The following OSBPL10 variants were observed in gnomAD, a reference collection of about 807,000 sequenced individuals.
OSBPL10 encodes oxysterol-binding protein-related protein 10.
In OSBPL10, 49 loss-of-function variants were observed where a neutral mutation model predicts 81.7. That is an observed-to-expected ratio of 0.60 (90% CI 0.48 to 0.76). The LOEUF is 0.76. Among genes scored for constraint, OSBPL10 ranks in the 30% least tolerant of loss-of-function variants. OSBPL10 has a pLI of 0.00. For missense variants in OSBPL10, 923 were observed against 987.8 expected (o/e 0.93, Z 0.88); for synonymous variants, 419 against 383.6 (o/e 1.09, Z -1.08).
intron 2 of OSBPL10, among the ~76,000 whole-genome samples, chr3:32,034,337 A>G (rs2125554323): frequency 6.6e-6 from 1 of 150,874 alleles, no homozygotes; most frequent in East Asian, 2.0e-4. Context: ...GCTGAGAGGG[A>G]GTCTGAGATG....
At chr3:31,780,829 C>CTA (rs1297527414) in intron 4 of OSBPL10, among the ~76,000 whole-genome samples, 3 of 150,652 alleles carry the variant, frequency 2.0e-5, no homozygotes, top group African/African-American at 7.4e-5. Context: ...AAATTGCCCC[C>CTA]CACCCCCCCA....
chr3:31,943,238 T>C (rs758189319), intron 1 of OSBPL10, among the ~76,000 whole-genome samples: 6 of 152,242 alleles, frequency 3.9e-5, no homozygotes, highest in Non-Finnish European at 5.9e-5. Context: ...TAAACCACAT[T>C]TTGTTTGTCC....
At position 31,939,143 on chromosome 3, in the gene OSBPL10, C is replaced by CTTTTTTTTTTTTT. The variant is rs1559525545; in HGVS notation, c.281+41755_281+41756insAAAAAAAAAAAAA. Among the ~76,000 whole-genome samples, 2 of 49,700 alleles carry CTTTTTTTTTTTTT rather than the reference C, an allele frequency of 4.0e-5. 1 individual carries two copies. Among genetic ancestry groups the CTTTTTTTTTTTTT allele is most frequent in the African/African-American group, 1.4e-4 (2 of 14,814 alleles). The allele number at this position is 49,700 out of a possible 152,430, so 32.6% of individuals were successfully genotyped here. On this transcript the variant is annotated intron_variant, in intron 1 of 11. Transcript: ENST00000396556. ...GTTTAATGTGCCAAGACTCTCTCAT[C>CTTTTTTTTTTTTT]CTTTTTTTTTTTTTTTTTTGAGACA...
chr3:31,938,456 C>A lies in OSBPL10; in HGVS notation c.281+42443G>T, dbSNP rs185276445. Among the ~76,000 whole-genome samples the A allele has an allele frequency of 8.6e-4, 131 of 152,314 alleles. 1 individual carries two copies. Among genetic ancestry groups the A allele is most frequent in the African/African-American group, 3.1e-3 (127 of 41,570 alleles). On this transcript the variant is annotated intron_variant, in intron 1 of 11. Transcript: ENST00000396556. ...CATTCTGGACACCCTCAGAGCTGTC[C>A]AGCAAACCTGTTGAGCTCTCTTTCC...
intron 1 of OSBPL10, among the ~76,000 whole-genome samples, chr3:31,936,567 T>C (rs1222702354): frequency 2.0e-5 from 3 of 152,212 alleles, no homozygotes. Flanking sequence ...AAAAGTAAAT[T>C]ACATTTTTCA....
At chr3:31,801,141 G>A (rs930117232) in intron 4 of OSBPL10, among the ~76,000 whole-genome samples, 3 of 152,144 alleles carry the variant, frequency 2.0e-5, no homozygotes, top group Non-Finnish European at 2.9e-5. Flanking sequence ...CCTGGATACT[G>A]ACTGTCAGGT....
intron 4 of OSBPL10, among the ~76,000 whole-genome samples, chr3:31,787,852 C>A (rs1468117836): frequency 6.6e-6 from 1 of 151,898 alleles, no homozygotes; most frequent in Non-Finnish European, 1.5e-5. Context: ...GCATAAATAC[C>A]CGACAACAGA....
chr3:31,765,078 C>T (rs1013878639), intron 4 of OSBPL10, among the ~76,000 whole-genome samples: 1 of 151,982 alleles, frequency 6.6e-6, no homozygotes, highest in Non-Finnish European at 1.5e-5. Flanking sequence ...AGTGCAGCGG[C>T]GAGATCATGG....
intron 2 of OSBPL10, among the ~76,000 whole-genome samples, chr3:32,031,983 C>T (rs1455306455): frequency 6.6e-6 from 1 of 152,146 alleles, no homozygotes; most frequent in Non-Finnish European, 1.5e-5. Context: ...TTAAGAATTG[C>T]TCCTTTGAAA....
intron 4 of OSBPL10, among the ~76,000 whole-genome samples, chr3:31,754,417 G>T (rs1379320806): frequency 6.6e-6 from 1 of 152,156 alleles, no homozygotes; most frequent in African/African-American, 2.4e-5. Context: ...GAGGGATCCA[G>T]CTCCAGTGGA....
In OSBPL10 at chr3:31,847,560, A is replaced by G. The variant is rs149710700; in HGVS notation, c.538-17329T>C. Among the ~76,000 whole-genome samples the G allele has an allele frequency of 1.7e-3, 258 of 151,902 alleles. 1 individual carries two copies. Among genetic ancestry groups the G allele is most frequent in the African/African-American group, 5.9e-3 (243 of 41,398 alleles). On this transcript the variant is annotated intron_variant, in intron 3 of 11. Coordinates refer to ENST00000396556, the MANE Select transcript of OSBPL10 (RefSeq NM_017784.5). Reference sequence around the variant, plus strand: ...GAGCTGTCCTTTCCTTAAACTATTCACCGGCATTACCCCAATCCATATCTG... The same window carrying G: ...GAGCTGTCCTTTCCTTAAACTATTCGCCGGCATTACCCCAATCCATATCTG...
At chr3:31,855,159 G>A (rs1700878096) in intron 3 of OSBPL10, among the ~76,000 whole-genome samples, 2 of 151,958 alleles carry the variant, frequency 1.3e-5, no homozygotes, top group African/African-American at 2.4e-5. Context: ...CTAAGTAGCT[G>A]GGACTAAAGC....
chr3:31,889,934 T>C (rs892981955), intron 1 of OSBPL10, among the ~76,000 whole-genome samples: 3 of 152,092 alleles, frequency 2.0e-5, no homozygotes. Context: ...TATGTGTCAA[T>C]TTAAAACTTA....
At chr3:31,915,728 T>C (rs954046605) in intron 1 of OSBPL10, among the ~76,000 whole-genome samples, 3 of 151,516 alleles carry the variant, frequency 2.0e-5, no homozygotes, top group African/African-American at 7.3e-5. Flanking sequence ...GTAACAAACC[T>C]GCCCGTGTAC....
At chr3:31,982,448 C>A (rs904449316), upstream of OSBPL10, among the ~76,000 whole-genome samples, 2 of 152,058 alleles carry the variant, frequency 1.3e-5, no homozygotes, top group Admixed American at 6.5e-5. Flanking sequence ...ATAAATACTT[C>A]AAGAGTTAAA....
chr3:31,682,808 C>T (rs1329988968), intron 8 of OSBPL10, among the ~76,000 whole-genome samples: 2 of 152,200 alleles, frequency 1.3e-5, no homozygotes, highest in East Asian at 3.8e-4. Flanking sequence ...CAAGTAACCA[C>T]AGCTCCTAAG....
upstream of OSBPL10, chr3:31,981,382 G>C (rs987448014): frequency 8.9e-6 from 8 of 896,398 alleles, no homozygotes; most frequent in African/African-American, 1.4e-4. This position sits in a 1 kb window ranked among gnomAD's most constrained non-coding sequence, Gnocchi z 4.5. Flanking sequence ...TGCAGCTGCG[G>C]CCGCCCCTCC....
At chr3:32,056,703 C>T (rs568768295) in intron 1 of OSBPL10, among the ~76,000 whole-genome samples, 205 of 152,220 alleles carry the variant, frequency 1.3e-3, no homozygotes, top group Non-Finnish European at 2.4e-3. Context: ...GGACCTTCGT[C>T]CCTCTGCAAC....
At chr3:31,678,087 CAAAAAA>C (rs1174037204) in intron 8 of OSBPL10, among the ~76,000 whole-genome samples, 16 of 76,650 alleles carry the variant, frequency 2.1e-4, no homozygotes, top group Non-Finnish European at 2.7e-4. Flanking sequence ...GACTCCGTCT[CAAAAAA>C]AAAAAAAAAA....
Sources: gnomAD v4.1 joint callset for allele counts (sites outside exome capture counted in the v4.1 genomes callset) on GRCh38, gnomAD v4.1.1 for gene constraint, Gnocchi (gnomAD v3.1) non-coding constraint, MANE v1.5 for transcripts, NCBI Gene and HGNC (gene_info 2026-07-23, HGNC 2026-07-21) for gene names.